GRIP1: variants seen among roughly 807,000 people sequenced by gnomAD.
The protein encoded by GRIP1 is glutamate receptor interacting protein 1.
Under a neutral mutation model 129.9 loss-of-function variants are expected in GRIP1, and 45 were observed. The ratio of observed to expected loss-of-function variants is 0.35; its 90% CI spans 0.27 to 0.44. The LOEUF (loss-of-function observed/expected upper bound fraction) is 0.44. Ranked by LOEUF, GRIP1 falls within the 20% of genes least tolerant of loss-of-function variation. GRIP1 has a pLI of 1.00. For missense variants in GRIP1, 1,196 were observed against 1,396.8 expected, an observed-to-expected ratio of 0.86 and a Z score of 2.29; for synonymous variants, 530 against 520.8, an observed-to-expected ratio of 1.02 and a Z score of -0.24.
At chr12:66,406,196 G>A in intron 16 of GRIP1, 87 bp downstream of exon 16, 1 of 1,310,146 alleles carries the variant, frequency 7.6e-7, no homozygotes. Flanking sequence ...CTAGCCAGCT[G>A]TTGTATGTAA....
chr12:66,909,513 A>T (rs112756120), intron 1 of GRIP1, among the ~76,000 whole-genome samples: 3,655 of 152,342 alleles, frequency 0.024, 56 homozygotes, highest in Middle Eastern at 0.048. Flanking sequence ...TTTCATTATC[A>T]GCTCACGTGG....
At chr12:66,842,734 T>C (rs936052236) in intron 1 of GRIP1, among the ~76,000 whole-genome samples, 3 of 152,204 alleles carry the variant, frequency 2.0e-5, no homozygotes, top group Admixed American at 6.5e-5. Context: ...GTGTTGAGCA[T>C]ATAATGGATA....
chr12:66,612,470 G>GTAAC (rs1218951793), intron 1 of GRIP1, among the ~76,000 whole-genome samples: 2 of 152,006 alleles, frequency 1.3e-5, no homozygotes, highest in African/African-American at 4.8e-5. Flanking sequence ...ACAAGCCTGG[G>GTAAC]TAACATAGGG....
At chr12:67,035,219 T>A (rs914283298) in intron 1 of GRIP1, among the ~76,000 whole-genome samples, 4 of 152,114 alleles carry the variant, frequency 2.6e-5, no homozygotes, top group Non-Finnish European at 5.9e-5. Context: ...AAAAAAAACG[T>A]GTTTCCTCCA....
At chr12:66,591,449 TGA>T (rs1265491082) in intron 2 of GRIP1, among the ~76,000 whole-genome samples, 1 of 152,120 alleles carries the variant, frequency 6.6e-6, no homozygotes, top group Admixed American at 6.5e-5. Flanking sequence ...ACAGCCCAAC[TGA>T]GAAGCAAAGG....
chr12:66,576,680 C>T (rs1469766664), intron 2 of GRIP1, among the ~76,000 whole-genome samples: 2 of 152,188 alleles, frequency 1.3e-5, no homozygotes, highest in Non-Finnish European at 2.9e-5. Context: ...ATAAGACTGA[C>T]ATGATTTTTG....
chr12:66,658,303 C>G (rs1044328355), intron 1 of GRIP1, among the ~76,000 whole-genome samples: 2 of 152,170 alleles, frequency 1.3e-5, no homozygotes, highest in Non-Finnish European at 2.9e-5. Flanking sequence ...GATGAGGACT[C>G]TCTTCGCAGC....
At chr12:66,559,400 G>A (rs1188408414) in intron 2 of GRIP1, among the ~76,000 whole-genome samples, 3 of 152,044 alleles carry the variant, frequency 2.0e-5, no homozygotes, top group Non-Finnish European at 1.5e-5. Flanking sequence ...AATTATCCTT[G>A]TTTACAAATG....
intron 11 of GRIP1, 69 bp downstream of exon 11, chr12:66,455,340 G>C: frequency 7.2e-7 from 1 of 1,396,368 alleles, no homozygotes; most frequent in Non-Finnish European, 1.0e-6. Flanking sequence ...CACAATTTCG[G>C]TATTTTCAAG....
At position 66,785,309 on chromosome 12, in the gene GRIP1, TACATACATACATACATACATAC is replaced by T. The variant is rs1467248455; in HGVS notation, c.-420+18722_-420+18743del. Among the ~76,000 whole-genome samples the T allele has an allele frequency of 6.9e-3, 453 of 65,796 alleles. 6 individuals carry two copies. Among genetic ancestry groups the T allele is most frequent in the Middle Eastern group, 0.019 (2 of 108 alleles). The allele number at this position is 65,796 out of a possible 152,430, so 43.2% of individuals were successfully genotyped here. ...CCCTGACTCTTCCAAGAATTTAACA[TACATACATACATACATACATAC>T]ATACATACATACATATATATATATA... On this transcript the variant is annotated intron_variant, in intron 1 of 4. Coordinates refer to the GRIP1 transcript ENST00000538373.
At chr12:66,867,541 G>C (rs1165205087) in intron 1 of GRIP1, among the ~76,000 whole-genome samples, 1 of 152,046 alleles carries the variant, frequency 6.6e-6, no homozygotes, top group Admixed American at 6.6e-5. Context: ...TTCTTAACTG[G>C]TTGGTAGAGA....
chr12:66,479,981 T>C (rs10784542), intron 7 of GRIP1, among the ~76,000 whole-genome samples: 52,771 of 151,850 alleles, frequency 0.35, 9,641 homozygotes, highest in Non-Finnish European at 0.41. Flanking sequence ...TGGGCAAAAA[T>C]TGGAAGCATT....
chr12:66,455,673 G>GCTGGGGTCCTTC, intron 10 of GRIP1, 109 bp from the exon 11 acceptor site: 1 of 1,006,144 alleles, frequency 9.9e-7, no homozygotes, highest in Non-Finnish European at 1.5e-6. Context: ...CATAGCAATG[G>GCTGGGGTCCTTC]CTAGGAAGGA....
chr12:66,353,970 C>G (rs1399735105), intron 23 of GRIP1, among the ~76,000 whole-genome samples: 1 of 152,196 alleles, frequency 6.6e-6, no homozygotes, highest in East Asian at 1.9e-4. Context: ...TCCTTCCTCC[C>G]CACTCCTGCC....
At position 66,482,979 on chromosome 12, in the gene GRIP1, T is replaced by C. The variant is rs183956299; in HGVS notation, c.725-17557A>G. 1.4e-4 allele frequency among the ~76,000 whole-genome samples: 22 copies of C among 152,334 alleles called. 1 individual carries two copies. The highest frequency in any genetic ancestry group is 4.8e-4 in the African/African-American group (20 of 41,580). On this transcript the variant is annotated intron_variant, in intron 7 of 24. Coordinates refer to ENST00000359742, the MANE Select transcript of GRIP1 (RefSeq NM_001366722.1). ...AGCCCATGCATGCTGGGTTGATTTA[T>C]GGGCTACATAATTACAGAAGATACG...
chr12:66,416,902 C>T (rs1592813368), intron 15 of GRIP1, among the ~76,000 whole-genome samples: 1 of 151,676 alleles, frequency 6.6e-6, no homozygotes, highest in African/African-American at 2.4e-5. Context: ...CAAACTCATT[C>T]TATGAGGCCA....
At chr12:67,016,873 C>T (rs969336426) in intron 1 of GRIP1, among the ~76,000 whole-genome samples, 3 of 152,160 alleles carry the variant, frequency 2.0e-5, no homozygotes, top group Non-Finnish European at 4.4e-5. Context: ...GACAAAGGAA[C>T]TGCATTGCCT....
chr12:67,058,579 C>G (rs1290479815), intron 1 of GRIP1, among the ~76,000 whole-genome samples: 1 of 152,160 alleles, frequency 6.6e-6, no homozygotes, highest in Middle Eastern at 3.2e-3. Context: ...TGTGTTCATA[C>G]GTTTGCCGAT....
chr12:66,431,374 C>A (rs1323952925), intron 14 of GRIP1, among the ~76,000 whole-genome samples: 1 of 152,152 alleles, frequency 6.6e-6, no homozygotes, highest in East Asian at 1.9e-4. Context: ...TCTAGGCTCT[C>A]TCCCATACAT....
Sources: allele counts gnomAD v4.1 joint callset (sites outside exome capture counted in the v4.1 genomes callset), GRCh38; gene constraint gnomAD v4.1.1; transcripts MANE v1.5; gene names NCBI Gene and HGNC (gene_info 2026-07-23, HGNC 2026-07-21).